The following PARVB variants were observed in gnomAD, a reference collection of about 807,000 sequenced individuals.
PARVB encodes the protein parvin beta, also known as beta-parvin.
In PARVB, 46 loss-of-function variants were observed where a neutral mutation model predicts 47.0. That is an observed-to-expected ratio of 0.98 (90% CI 0.77 to 1.25). The LOEUF (loss-of-function observed/expected upper bound fraction) is 1.25, where lower values mean the gene tolerates loss of function less well. Among genes scored for constraint, PARVB ranks in the 50% most tolerant of loss-of-function variants. PARVB has a pLI of 0.00. For synonymous variants in PARVB, 196 were observed against 196.3 expected, an observed-to-expected ratio of 1.00 and a Z score of 0.01; for missense variants, 473 against 471.6, an observed-to-expected ratio of 1.00 and a Z score of -0.03.
intron 8 of PARVB, chr22:44,144,873 G>A (rs569016536): frequency 4.6e-5 from 7 of 152,286 alleles, no homozygotes; most frequent in South Asian, 2.1e-4. Flanking sequence ...ACATTACAGC[G>A]ACCAAGCTGA....
chr22:44,105,722 G>C (rs1470027891), intron 3 of PARVB: 1 of 152,244 alleles, frequency 6.6e-6, no homozygotes, highest in South Asian at 2.1e-4. Context: ...ACCGATGGGG[G>C]TCTGTGTCAG....
At chr22:44,028,626 T>A (rs1326513016) in intron 1 of PARVB, among the ~76,000 whole-genome samples, 9 of 152,226 alleles carry the variant, frequency 5.9e-5, no homozygotes, top group Admixed American at 5.9e-4. Context: ...CGTGTAGGTT[T>A]TTGTGTGGAG....
At chr22:44,093,854 C>A in intron 1 of PARVB, 74 bp from the exon 2 acceptor site, 1 of 834,258 alleles carries the variant, frequency 1.2e-6, no homozygotes, top group Non-Finnish European at 2.0e-6. Context: ...TTTCTCTCTG[C>A]GTCCACAGCC....
At chr22:44,132,769 C>A in intron 5 of PARVB, 125 bp from the exon 6 acceptor site, 1 of 621,392 alleles carries the variant, frequency 1.6e-6, no homozygotes, top group Non-Finnish European at 2.9e-6. Flanking sequence ...TTTGTCCACA[C>A]TTCGCTCCAT....
At chr22:44,042,351 G>A (rs1379287977) in intron 1 of PARVB, among the ~76,000 whole-genome samples, 1 of 152,164 alleles carries the variant, frequency 6.6e-6, no homozygotes, top group African/African-American at 2.4e-5. Context: ...AACCCGGGTG[G>A]CGGAGGTTGC....
chr22:44,100,709 G>T (rs1176972108), intron 3 of PARVB, among the ~76,000 whole-genome samples: 1 of 152,218 alleles, frequency 6.6e-6, no homozygotes, highest in African/African-American at 2.4e-5. Flanking sequence ...TCCTTCTCCA[G>T]CGTGGCTCCT....
upstream of PARVB, among the ~76,000 whole-genome samples, chr22:44,020,176 CTT>C (rs60438723): frequency 3.3e-4 from 45 of 136,068 alleles, no homozygotes; most frequent in Non-Finnish European, 3.8e-4. Context: ...ACAGTCACCA[CTT>C]TTTTTTTTTT....
At chr22:44,158,897 C>T (rs1481758915) in intron 11 of PARVB, among the ~76,000 whole-genome samples, 1 of 152,218 alleles carries the variant, frequency 6.6e-6, no homozygotes, top group African/African-American at 2.4e-5. Context: ...AAGCTGGTGG[C>T]GACAGCCAGA....
intron 1 of PARVB, among the ~76,000 whole-genome samples, chr22:44,073,770 GGCA>G (rs1042630067): frequency 2.0e-5 from 3 of 152,252 alleles, no homozygotes; most frequent in African/African-American, 7.2e-5. Context: ...GGTAGGCCAA[GGCA>G]GCGGTTCTGG....
chr22:44,153,074 C>T (rs770809087), intron 10 of PARVB: 1 of 152,208 alleles, frequency 6.6e-6, no homozygotes, highest in Non-Finnish European at 1.5e-5. Flanking sequence ...ATAAAAGCAT[C>T]ACGGTCTGTT....
chr22:44,073,929 G>A (rs2051708732), intron 1 of PARVB, among the ~76,000 whole-genome samples: 1 of 152,268 alleles, frequency 6.6e-6, no homozygotes, highest in African/African-American at 2.4e-5. Context: ...CACTGGAGGA[G>A]GTGTGATTAT....
rs530179578 is a variant in PARVB, at chr22:44,070,354, C to T, written c.113-23574C>T. Among the ~76,000 whole-genome samples, 8 of 152,314 alleles carry T rather than the reference C, an allele frequency of 5.3e-5. No individual in the cohort carries two copies. The East Asian group carries it at 1.5e-3, about 29-fold the overall frequency. ...GACCCAGTAAGATGACAGTTATTCA[C>T]ATTCTCCTTTGTTTCTGATACCAAG... is the stretch of plus-strand genomic sequence containing the variant. On this transcript the variant is annotated intron_variant, in intron 1 of 12. Transcript: ENST00000338758.
At chr22:44,087,945 A>G (rs1390989600) in intron 1 of PARVB, among the ~76,000 whole-genome samples, 3 of 149,690 alleles carry the variant, frequency 2.0e-5, no homozygotes, top group African/African-American at 7.4e-5. Context: ...ATAGTTACTC[A>G]AAGCTGACGC....
At chr22:44,163,970 ACGGAGGGG>A in intron 12 of PARVB, 40 bp downstream of exon 12, 2 of 1,503,298 alleles carry the variant, frequency 1.3e-6, no homozygotes, top group Admixed American at 1.8e-5. Context: ...AGAGGTGCGC[ACGGAGGGG>A]AAGAAAAACG....
intron 10 of PARVB, among the ~76,000 whole-genome samples, chr22:44,156,624 G>C (rs1047494839): frequency 6.6e-6 from 1 of 152,182 alleles, no homozygotes; most frequent in Non-Finnish European, 1.5e-5. Context: ...GAATTCTGGA[G>C]ATTGTTTGTA....
At chr22:44,034,014 G>A (rs2050871012) in intron 1 of PARVB, among the ~76,000 whole-genome samples, 2 of 151,826 alleles carry the variant, frequency 1.3e-5, no homozygotes, top group Non-Finnish European at 2.9e-5. Flanking sequence ...GGTCCGGGGC[G>A]GGGCCTCATG....
intron 1 of PARVB, among the ~76,000 whole-genome samples, chr22:44,060,685 T>G (rs1157615100): frequency 6.6e-6 from 1 of 152,034 alleles, no homozygotes; most frequent in Non-Finnish European, 1.5e-5. Context: ...TAGTTTGATG[T>G]TGCTCAAGAA....
At chr22:44,131,386 C>T (rs1368901617) in intron 4 of PARVB, 101 bp from the exon 5 acceptor site, 7 of 1,258,812 alleles carry the variant, frequency 5.6e-6, no homozygotes, top group Admixed American at 2.1e-5. Flanking sequence ...AAGTGATTCA[C>T]CCACCTCGGC....
intron 1 of PARVB, among the ~76,000 whole-genome samples, chr22:44,034,253 T>G (rs1175754387): frequency 1.4e-4 from 17 of 118,316 alleles, no homozygotes; most frequent in African/African-American, 3.0e-4. Context: ...TTGAGATGGG[T>G]GTCTTTATAC....
Sources: allele counts gnomAD v4.1 joint callset (sites outside exome capture counted in the v4.1 genomes callset), GRCh38; gene constraint gnomAD v4.1.1; transcripts MANE v1.5; gene names NCBI Gene and HGNC (gene_info 2026-07-23, HGNC 2026-07-21).